The following PPARGC1A variants were observed in gnomAD, a reference collection of about 807,000 sequenced individuals.
The protein encoded by PPARGC1A is PPARG coactivator 1 alpha, also known as peroxisome proliferator-activated receptor gamma coactivator 1-alpha.
Under a neutral mutation model 88.7 loss-of-function variants are expected in PPARGC1A, and 25 were observed. That is an observed-to-expected ratio of 0.28 (90% CI 0.21 to 0.39). The LOEUF (loss-of-function observed/expected upper bound fraction) is 0.39, where lower values mean the gene tolerates loss of function less well. Ranked by LOEUF, PPARGC1A falls within the 10% of genes least tolerant of loss-of-function variation. PPARGC1A has a pLI of 1.00. For missense variants in PPARGC1A, 880 were observed against 968.7 expected, an observed-to-expected ratio of 0.91 and a Z score of 1.22; for synonymous variants, 363 against 355.6, an observed-to-expected ratio of 1.02 and a Z score of -0.24.
At chr4:24,046,557 C>T in the PPARGC1A span, among the ~76,000 whole-genome samples, 1 of 151,654 alleles carries the variant, frequency 6.6e-6, no homozygotes, top group Non-Finnish European at 1.5e-5. Flanking sequence ...CACTGACTAG[C>T]TTAAATTGCT....
the PPARGC1A span, among the ~76,000 whole-genome samples, chr4:23,915,333 G>A: frequency 6.6e-6 from 1 of 152,200 alleles, no homozygotes; most frequent in East Asian, 1.9e-4. Context: ...GCTGAGTTGT[G>A]AATTGAGCTT....
At chr4:24,036,546 C>G in the PPARGC1A span, among the ~76,000 whole-genome samples, 1 of 151,352 alleles carries the variant, frequency 6.6e-6, no homozygotes, top group African/African-American at 2.4e-5. Flanking sequence ...CAATGAAACA[C>G]TACATGGCAA....
the PPARGC1A span, among the ~76,000 whole-genome samples, chr4:23,944,959 C>G: frequency 3.9e-5 from 6 of 152,200 alleles, no homozygotes; most frequent in Non-Finnish European, 7.3e-5. Flanking sequence ...GTACCTTGCT[C>G]TATCACCTAT....
At chr4:24,278,252 G>A in the PPARGC1A span, among the ~76,000 whole-genome samples, 1 of 152,166 alleles carries the variant, frequency 6.6e-6, no homozygotes, top group Non-Finnish European at 1.5e-5. Context: ...GCTTCTGTGA[G>A]ATTAAATTAG....
chr4:24,449,049 G>C, the PPARGC1A span, among the ~76,000 whole-genome samples: 5 of 152,216 alleles, frequency 3.3e-5, no homozygotes, highest in African/African-American at 1.2e-4. Flanking sequence ...TGTTCTTTCA[G>C]GTCCCACATA....
At chr4:24,035,701 A>G in the PPARGC1A span, among the ~76,000 whole-genome samples, 2 of 152,166 alleles carry the variant, frequency 1.3e-5, no homozygotes, top group Admixed American at 1.3e-4. Context: ...TGTGTGGTTC[A>G]CAAACAACTT....
At chr4:23,941,127 T>G in the PPARGC1A span, among the ~76,000 whole-genome samples, 2 of 152,172 alleles carry the variant, frequency 1.3e-5, no homozygotes, top group African/African-American at 4.8e-5. Context: ...CATAGCTCAC[T>G]GTATCCCCCA....
At chr4:23,845,605 A>T (rs371250882) in intron 2 of PPARGC1A, among the ~76,000 whole-genome samples, 72 of 152,224 alleles carry the variant, frequency 4.7e-4, no homozygotes, top group African/African-American at 1.7e-3. Context: ...CTCCATGTTA[A>T]TCCTCTGAGC....
the PPARGC1A span, among the ~76,000 whole-genome samples, chr4:24,454,897 T>A: frequency 8.6e-6 from 1 of 115,676 alleles, no homozygotes. Context: ...ATGAGTAGAT[T>A]GTCACAAAAA....
At chr4:23,860,360 A>C (rs1405480944) in intron 2 of PPARGC1A, among the ~76,000 whole-genome samples, 1 of 151,788 alleles carries the variant, frequency 6.6e-6, no homozygotes, top group Non-Finnish European at 1.5e-5. Context: ...AAAGTGTACA[A>C]ATTGCAATTA....
intron 7 of PPARGC1A, among the ~76,000 whole-genome samples, chr4:23,817,056 G>C (rs966280734): frequency 1.3e-5 from 2 of 152,120 alleles, no homozygotes; most frequent in African/African-American, 4.8e-5. Flanking sequence ...TAGAGTGTCT[G>C]CCGCACGCCA....
At chr4:24,000,014 G>C in the PPARGC1A span, among the ~76,000 whole-genome samples, 1 of 152,216 alleles carries the variant, frequency 6.6e-6, no homozygotes, top group Middle Eastern at 3.4e-3. Context: ...CAGTGACTCA[G>C]AGCGAATAAA....
the PPARGC1A span, among the ~76,000 whole-genome samples, chr4:24,294,045 A>C: frequency 6.6e-6 from 1 of 152,210 alleles, no homozygotes; most frequent in Admixed American, 6.5e-5. Context: ...TCTGAGGCTC[A>C]GAGAGCTCAA....
At chr4:24,427,377 C>T in the PPARGC1A span, among the ~76,000 whole-genome samples, 24 of 151,392 alleles carry the variant, frequency 1.6e-4, no homozygotes, top group East Asian at 2.5e-3. Context: ...ACCTCCTGGG[C>T]TCAAGCCATC....
the PPARGC1A span, among the ~76,000 whole-genome samples, chr4:24,114,820 G>C: frequency 6.6e-6 from 1 of 152,162 alleles, no homozygotes; most frequent in African/African-American, 2.4e-5. Flanking sequence ...TAAATTAATG[G>C]TTAGTGGAGG....
At chr4:24,117,683 G>A in the PPARGC1A span, among the ~76,000 whole-genome samples, 8 of 151,770 alleles carry the variant, frequency 5.3e-5, no homozygotes, top group South Asian at 2.1e-4. Context: ...AATATCTGCC[G>A]CTTGATATGA....
At chr4:23,959,528 C>G in the PPARGC1A span, among the ~76,000 whole-genome samples, 177 of 152,180 alleles carry the variant, frequency 1.2e-3, no homozygotes, top group African/African-American at 4.0e-3. Context: ...AAAATCCACT[C>G]TGTTTCTTCA....
chr4:23,860,650 A>G (rs1259391202), intron 2 of PPARGC1A, among the ~76,000 whole-genome samples: 1 of 152,222 alleles, frequency 6.6e-6, no homozygotes, highest in African/African-American at 2.4e-5. Flanking sequence ...ACTCAATGGC[A>G]GAGAGATTAC....
intron 2 of PPARGC1A, among the ~76,000 whole-genome samples, chr4:23,869,559 T>C (rs966603964): frequency 4.6e-5 from 7 of 151,828 alleles, no homozygotes; most frequent in Non-Finnish European, 8.8e-5. Context: ...CCCAGTCCTG[T>C]ACATTATCTG....
Sources: allele counts gnomAD v4.1 joint callset (sites outside exome capture counted in the v4.1 genomes callset), GRCh38; gene constraint gnomAD v4.1.1; transcripts MANE v1.5; gene names NCBI Gene and HGNC (gene_info 2026-07-23, HGNC 2026-07-21).